RIPK2: variants seen among roughly 807,000 people sequenced by gnomAD.
The protein encoded by RIPK2 is receptor-interacting serine/threonine-protein kinase 2.
A neutral mutation model predicts 60.9 loss-of-function variants in RIPK2; 38 were observed. That is an observed-to-expected ratio of 0.62 (90% CI 0.48 to 0.82). RIPK2 has a LOEUF of 0.82. RIPK2 is among the 40% of genes least tolerant of loss of function. The probability of loss-of-function intolerance (pLI) is 0.00; values close to 1 mark genes in which losing one functional copy is unlikely to be tolerated. For missense variants in RIPK2, 518 were observed against 647.0 expected (o/e 0.80, Z 2.16); for synonymous variants, 225 against 223.4 (o/e 1.01, Z -0.06).
At chr8:89,779,966 A>T (rs777019132) in intron 6 of RIPK2, 109 bp from the exon 7 acceptor site, 27 of 620,004 alleles carry the variant, frequency 4.4e-5, no homozygotes, top group Non-Finnish European at 6.6e-5. Context: ...GCTGAATGTC[A>T]TCACTTTGGG....
rs1809662802 is a variant in RIPK2 at position 89,790,650 on chromosome 8, T to A, written c.*234T>A. The A allele has an allele frequency of 2.6e-6, 1 of 391,256 alleles. No individual in the cohort carries two copies. Among genetic ancestry groups the A allele is most frequent in the East Asian group, 4.4e-5 (1 of 22,750 alleles). 24.2% of individuals were successfully genotyped at this position (391,256 alleles called of 1,614,324 possible). ...CTCTTTTGTTAACAGAAACCACTTT[T>A]AAAGGATAGTAATTATTCTTGTTTA... On this transcript the variant is annotated 3_prime_UTR_variant, in exon 11 of 11. Coordinates refer to ENST00000220751, the MANE Select transcript of RIPK2 (RefSeq NM_003821.6).
chr8:89,783,961 C>A, intron 7 of RIPK2, 89 bp from the exon 8 acceptor site: 1 of 657,186 alleles, frequency 1.5e-6, no homozygotes, highest in Non-Finnish European at 2.6e-6. Flanking sequence ...TTTGTACAAA[C>A]ATATAAAATG....
intron 7 of RIPK2, among the ~76,000 whole-genome samples, chr8:89,781,832 C>T (rs1477325262): frequency 2.0e-5 from 3 of 152,102 alleles, no homozygotes; most frequent in African/African-American, 4.8e-5. Context: ...AAGATAGGCA[C>T]AGTAATATAT....
Position 89,769,837 on chromosome 8 carries a change from T to G in RIPK2, c.549T>G (p.Ser183=). Residue 183 remains serine, a synonymous_variant, in exon 4 of 11, where the codon TCT becomes TCG. Transcript: ENST00000220751. The stretch of plus-strand genomic sequence containing the variant: ...TCTCACAGTCACGAAGTAGCAAATC[T>G]GCACCAGAAGGAGGGACAATTATCT... The part of the protein sequence containing the change: ...MSLSQSRSSK[S]APEGGTIIYM... 6.2e-7 allele frequency: 1 copy of G among 1,609,522 alleles called. No homozygotes were observed. The highest frequency in any genetic ancestry group is 8.5e-7 in the Non-Finnish European group (1 of 1,177,442).
At chr8:89,782,156 T>G (rs1404244520) in intron 7 of RIPK2, among the ~76,000 whole-genome samples, 5 of 151,928 alleles carry the variant, frequency 3.3e-5, no homozygotes, top group African/African-American at 1.2e-4. Context: ...AAAAAGTTAC[T>G]TGAGTACAAG....
chr8:89,761,338 T>G (rs1809141290), intron 1 of RIPK2, among the ~76,000 whole-genome samples: 1 of 151,438 alleles, frequency 6.6e-6, no homozygotes, highest in African/African-American at 2.4e-5. Context: ...ATCCAGTCAC[T>G]CAGGGTAAAA....
chr8:89,761,547 C>T (rs892911606), intron 1 of RIPK2, among the ~76,000 whole-genome samples: 1 of 152,100 alleles, frequency 6.6e-6, no homozygotes, highest in Non-Finnish European at 1.5e-5. Context: ...ACTAATCCTA[C>T]ATCTTGTTGC....
At chr8:89,780,433 G>A (rs759828833) in intron 7 of RIPK2, 8 of 184,372 alleles carry the variant, frequency 4.3e-5, no homozygotes, top group Non-Finnish European at 7.8e-5. Context: ...GCACTTTGAA[G>A]GCCAAGGCGA....
chr8:89,783,115 A>G lies in RIPK2; in HGVS notation c.940-935A>G, dbSNP rs1809527402. Among the ~76,000 whole-genome samples the G allele has an allele frequency of 2.6e-5, 4 of 152,170 alleles. No homozygotes were observed. In the South Asian group the frequency reaches 8.3e-4, roughly 32 times the overall value. ...CTTCTGAAGTTCCTTAGCCATGTAAATGGAGTATGCAGTCATAAATGTGCA... is the reference window on the plus strand; with the variant it reads ...CTTCTGAAGTTCCTTAGCCATGTAAGTGGAGTATGCAGTCATAAATGTGCA... On this transcript the variant is annotated intron_variant, in intron 7 of 10. Coordinates refer to ENST00000220751, the MANE Select transcript of RIPK2 (RefSeq NM_003821.6).
intron 9 of RIPK2, among the ~76,000 whole-genome samples, chr8:89,787,283 A>G (rs1809603380): frequency 6.6e-6 from 1 of 152,248 alleles, no homozygotes; most frequent in Non-Finnish European, 1.5e-5. Context: ...AGATAGTGAT[A>G]TAAGAGAGAC....
Position 89,790,099 on chromosome 8 carries a change from G to A in RIPK2, c.1306G>A (p.Ala436Thr), listed in dbSNP as rs1809651815. Residue 436 changes from alanine to threonine, a missense_variant, in exon 11 of 11, where the codon GCC becomes ACC. Physicochemically the swap from Ala to Thr is moderately conservative, Grantham distance 58 (BLOSUM62 0). This residue lies in a region of RIPK2 where 448 missense variants were observed against 534.7 expected (regional missense o/e 0.84). Transcript: ENST00000220751. The stretch of plus-strand genomic sequence containing the variant: ...TTCAGAACGTCTGCAGCCTGGTATA[G>A]CCCAGCAGTGGATCCAGAGCAAAAG... The part of the protein sequence containing the change: ...GNSERLQPGI[A>T]QQWIQSKRED... 1 of 1,613,604 alleles carries A rather than the reference G, an allele frequency of 6.2e-7. No homozygotes were observed. The highest frequency in any genetic ancestry group is 1.3e-5 in the African/African-American group (1 of 74,880).
At chr8:89,768,501 G>A (rs906171724) in intron 3 of RIPK2, among the ~76,000 whole-genome samples, 1 of 151,446 alleles carries the variant, frequency 6.6e-6, no homozygotes, top group South Asian at 2.1e-4. Context: ...TTGTTAATCC[G>A]CGCTTTTGGA....
At chr8:89,782,890 T>C (rs574673039) in intron 7 of RIPK2, among the ~76,000 whole-genome samples, 1 of 152,294 alleles carries the variant, frequency 6.6e-6, no homozygotes, top group African/African-American at 2.4e-5. Flanking sequence ...TGAAAAACTG[T>C]TACTAATTCA....
chr8:89,770,019 A>G, intron 4 of RIPK2, 90 bp downstream of exon 4: 1 of 1,011,054 alleles, frequency 9.9e-7, no homozygotes, highest in Non-Finnish European at 1.4e-6. Flanking sequence ...TTAAACTGTG[A>G]TTTTTATTCT....
chr8:89,770,975 G>T (rs555170285), intron 4 of RIPK2, among the ~76,000 whole-genome samples: 2 of 151,782 alleles, frequency 1.3e-5, no homozygotes, highest in African/African-American at 4.8e-5. Flanking sequence ...GCTTCCTAAG[G>T]TAGAGATCAT....
intron 1 of RIPK2, chr8:89,759,212 AG>A: frequency 1.4e-5 from 6 of 440,308 alleles, no homozygotes; most frequent in South Asian, 9.5e-5. Context: ...TTTTAAGGGA[AG>A]GTTAGCATTA....
At chr8:89,790,001 T>C in intron 10 of RIPK2, 78 bp from the exon 11 acceptor site, 3 of 1,040,608 alleles carry the variant, frequency 2.9e-6, no homozygotes, top group Non-Finnish European at 4.1e-6. Flanking sequence ...TATGCTTTAT[T>C]TATTTTTCAT....
At chr8:89,767,717 C>T (rs1449041957) in intron 3 of RIPK2, among the ~76,000 whole-genome samples, 1 of 151,662 alleles carries the variant, frequency 6.6e-6, no homozygotes, top group Non-Finnish European at 1.5e-5. Context: ...ACCAAAATTC[C>T]TTCCTGGTTG....
Position 89,789,995 on chromosome 8 carries a change from CTTTA to C in RIPK2, c.1286-76_1286-73del, listed in dbSNP as rs1248621687. 4.1e-6 allele frequency: 4 copies of C among 969,030 alleles called. No homozygotes were observed. The African/African-American group carries it at 6.5e-5, about 16-fold the overall frequency. 60.0% of individuals were successfully genotyped at this position (969,030 alleles called of 1,614,324 possible). On this transcript the variant is annotated intron_variant, in intron 10 of 10. Coordinates refer to ENST00000220751, the MANE Select transcript of RIPK2 (RefSeq NM_003821.6). ...AATCATAGGAAAATTATGTTTTATG[CTTTA>C]TTTATTTTTCATGGAATTTTACTTA... is the stretch of plus-strand genomic sequence containing the variant.
Sources: allele counts gnomAD v4.1 joint callset (sites outside exome capture counted in the v4.1 genomes callset), GRCh38; gene constraint gnomAD v4.1.1; regional missense constraint gnomAD v4.1.1; transcripts MANE v1.5; gene names NCBI Gene and HGNC (gene_info 2026-07-23, HGNC 2026-07-21).